Variants in IQGAP2 observed in about 807,000 individuals in gnomAD.
IQGAP2 encodes the protein ras GTPase-activating-like protein IQGAP2.
IQGAP2 carries 173 observed loss-of-function variants against 201.3 expected under a neutral mutation model. The observed-to-expected ratio is 0.86, with a 90% confidence interval of 0.76 to 0.98. The LOEUF (loss-of-function observed/expected upper bound fraction) is 0.98, where lower values mean the gene tolerates loss of function less well. Ranked by LOEUF, IQGAP2 falls within the 50% of genes least tolerant of loss-of-function variation. The pLI, the probability that IQGAP2 is intolerant of heterozygous loss-of-function variation, is 0.00. For synonymous variants in IQGAP2, 675 were observed against 673.9 expected (o/e 1.00, Z -0.03); for missense variants, 1,687 against 1,864.8 (o/e 0.90, Z 1.76).
chr5:76,476,274 G>A (rs1755421703), intron 2 of IQGAP2, among the ~76,000 whole-genome samples: 2 of 152,136 alleles, frequency 1.3e-5, no homozygotes, highest in Non-Finnish European at 2.9e-5. Flanking sequence ...GAAAAGTCCT[G>A]GAGGTCAAGA....
At chr5:76,419,343 G>A (rs1751590237) in intron 1 of IQGAP2, among the ~76,000 whole-genome samples, 1 of 151,280 alleles carries the variant, frequency 6.6e-6, no homozygotes, top group South Asian at 2.1e-4. Flanking sequence ...TTTTTGTTTT[G>A]TTTTGTTTTG....
At chr5:76,459,734 G>A (rs1754318833) in intron 1 of IQGAP2, among the ~76,000 whole-genome samples, 2 of 152,266 alleles carry the variant, frequency 1.3e-5, no homozygotes, top group South Asian at 2.1e-4. Flanking sequence ...CGCCTCCTGG[G>A]TTGAAGCGAT....
intron 2 of IQGAP2, among the ~76,000 whole-genome samples, chr5:76,490,753 A>T (rs758901053): frequency 1.3e-4 from 20 of 152,154 alleles, no homozygotes; most frequent in Non-Finnish European, 2.5e-4. Flanking sequence ...CTTTATTTTT[A>T]TTGTGACTTT....
intron 33 of IQGAP2, chr5:76,699,643 C>CG (rs1747111042): frequency 1.6e-5 from 2 of 124,720 alleles, no homozygotes; most frequent in African/African-American, 6.2e-5. Flanking sequence ...CTCTCTCTCT[C>CG]TCTCTCTCTC....
rs1745681068 is a variant in IQGAP2 at position 76,579,333 on chromosome 5, G to A, written c.458+3564G>A. On this transcript the variant is annotated intron_variant, in intron 5 of 35. Coordinates refer to ENST00000274364, the MANE Select transcript of IQGAP2 (RefSeq NM_006633.5). ...TCAAACCTGCCATGATTACAGATCT[G>A]GGTTTCGGATGGATCACTTGTGAGT... 2.0e-5 allele frequency among the ~76,000 whole-genome samples: 3 copies of A among 151,880 alleles called. No homozygotes were observed. The South Asian group carries it at 6.2e-4, about 32-fold the overall frequency.
chr5:76,628,775 C>A (rs1473143942), intron 14 of IQGAP2: 2 of 452,956 alleles, frequency 4.4e-6, no homozygotes, highest in Non-Finnish European at 8.8e-6. Context: ...CTAACCTGAA[C>A]TTTTATTCCC....
intron 2 of IQGAP2, among the ~76,000 whole-genome samples, chr5:76,551,256 G>C (rs1017438303): frequency 1.3e-5 from 2 of 151,742 alleles, no homozygotes; most frequent in East Asian, 2.0e-4. Context: ...CATCCCAGAC[G>C]GGGCGGCGGG....
intron 2 of IQGAP2, among the ~76,000 whole-genome samples, chr5:76,499,134 C>A (rs1362358862): frequency 2.0e-5 from 3 of 152,166 alleles, no homozygotes; most frequent in Non-Finnish European, 4.4e-5. Flanking sequence ...TTCTAATTTG[C>A]CACCAGTGGA....
chr5:76,589,532 T>G, intron 6 of IQGAP2, 83 bp from the exon 7 acceptor site: 4 of 683,976 alleles, frequency 5.8e-6, no homozygotes, highest in East Asian at 3.1e-5. Flanking sequence ...AGACATTTCT[T>G]GATATGATTG....
Position 76,450,119 on chromosome 5 carries a change from G to A in IQGAP2, c.47-11451G>A, listed in dbSNP as rs12659877. On this transcript the variant is annotated intron_variant, in intron 1 of 35. Transcript: ENST00000274364. ...GCACACAACAAGCCAAAACCAAAAT[G>A]TTTGCAGCTTTGTTGCCCTAGTGGG... Among the ~76,000 whole-genome samples, 28 of 152,338 alleles carry A rather than the reference G, an allele frequency of 1.8e-4. No homozygotes were observed. In the East Asian group the frequency reaches 4.4e-3, roughly 24 times the overall value.
At chr5:76,504,789 G>A (rs898534134) in intron 2 of IQGAP2, among the ~76,000 whole-genome samples, 17 of 152,032 alleles carry the variant, frequency 1.1e-4, no homozygotes, top group African/African-American at 3.6e-4. Context: ...AGTTAATACC[G>A]TAATCTCTTG....
chr5:76,415,627 G>A (rs764393179), intron 1 of IQGAP2, among the ~76,000 whole-genome samples: 37 of 152,194 alleles, frequency 2.4e-4, no homozygotes, highest in Non-Finnish European at 4.6e-4. Flanking sequence ...CTCTATAGCT[G>A]TTAAACTGTT....
At chr5:76,681,667 G>A (rs1448748965) in intron 28 of IQGAP2, among the ~76,000 whole-genome samples, 2 of 151,984 alleles carry the variant, frequency 1.3e-5, no homozygotes, top group African/African-American at 4.8e-5. Context: ...TTTAAACAGA[G>A]AGGCTGGAGT....
At chr5:76,664,915 C>T (rs1743608966) in intron 21 of IQGAP2, 111 bp from the exon 22 acceptor site, 1 of 666,504 alleles carries the variant, frequency 1.5e-6, no homozygotes, top group African/African-American at 1.8e-5. Flanking sequence ...ATGCACAATA[C>T]AATGAGGTAT....
chr5:76,699,872 T>TATATATACAAAA, intron 33 of IQGAP2, among the ~76,000 whole-genome samples: 2 of 121,702 alleles, frequency 1.6e-5, no homozygotes, highest in African/African-American at 6.3e-5. Context: ...TCTCTCCATA[T>TATATATACAAAA]ATAGTTCATT....
At chr5:76,464,638 G>T (rs1390399308) in intron 2 of IQGAP2, among the ~76,000 whole-genome samples, 2 of 152,126 alleles carry the variant, frequency 1.3e-5, no homozygotes, top group African/African-American at 2.4e-5. Flanking sequence ...TTTACAAATT[G>T]AGAATTATAA....
In IQGAP2 at chr5:76,403,400, G is replaced by A; in HGVS notation, c.-146G>A. The A allele has an allele frequency of 3.9e-6, 2 of 514,854 alleles. No homozygotes were observed. Among genetic ancestry groups the A allele is most frequent in the African/African-American group, 2.0e-5 (1 of 49,552 alleles). The allele number at this position is 514,854 out of a possible 1,614,324, so 31.9% of individuals were successfully genotyped here. ...TGGCTCTGGCGAGAGAGCACCGAGG[G>A]AGTGGGTCGCAGATCTTCGGGCGGC... is the stretch of plus-strand genomic sequence containing the variant. On this transcript the variant is annotated 5_prime_UTR_variant, in exon 1 of 36. Transcript: ENST00000274364. The surrounding 1 kb of genome is among the most constrained non-coding windows in gnomAD (Gnocchi z 4.8).
At chr5:76,461,219 C>T (rs1278960018) in intron 1 of IQGAP2, among the ~76,000 whole-genome samples, 1 of 151,592 alleles carries the variant, frequency 6.6e-6, no homozygotes, top group African/African-American at 2.4e-5. Context: ...AATAAAAAAA[C>T]TAGCCAAGTG....
intron 2 of IQGAP2, among the ~76,000 whole-genome samples, chr5:76,472,813 A>ACT (rs1755184574): frequency 6.6e-6 from 1 of 152,206 alleles, no homozygotes; most frequent in Non-Finnish European, 1.5e-5. Context: ...TTGATCCCAA[A>ACT]GTTTATATTT....
Sources: allele counts gnomAD v4.1 joint callset (sites outside exome capture counted in the v4.1 genomes callset), GRCh38; gene constraint gnomAD v4.1.1; non-coding constraint Gnocchi (gnomAD v3.1); transcripts MANE v1.5; gene names NCBI Gene and HGNC (gene_info 2026-07-23, HGNC 2026-07-21).